The following PKD1L1 variants were observed in gnomAD, a reference collection of about 807,000 sequenced individuals.
PKD1L1 encodes polycystin 1 like 1, transient receptor potential channel interacting, also known as polycystin-1-like protein 1.
A neutral mutation model predicts 323.4 loss-of-function variants in PKD1L1; 236 were observed. The ratio of observed to expected loss-of-function variants is 0.73; its 90% CI spans 0.66 to 0.81. PKD1L1 has a LOEUF of 0.81. PKD1L1 is among the 40% of genes least tolerant of loss of function. The probability of loss-of-function intolerance (pLI) is 0.00; values close to 1 mark genes in which losing one functional copy is unlikely to be tolerated. For missense variants in PKD1L1, 3,320 were observed against 3,508.0 expected, an observed-to-expected ratio of 0.95 and a Z score of 1.35; for synonymous variants, 1,344 against 1,335.0, an observed-to-expected ratio of 1.01 and a Z score of -0.15.
chr7:47,833,033 T>C (rs1316856954), intron 41 of PKD1L1, 57 bp downstream of exon 41: 20 of 1,546,552 alleles, frequency 1.3e-5, no homozygotes, highest in Non-Finnish European at 1.7e-5. Context: ...CCTCTCCCAA[T>C]GGCTGCAGGT....
intron 1 of PKD1L1, among the ~76,000 whole-genome samples, chr7:47,947,377 G>C (rs548647564): frequency 1.3e-5 from 2 of 152,374 alleles, no homozygotes; most frequent in South Asian, 2.1e-4. Context: ...TTCAGGATGA[G>C]AAATCTGGGG....
At chr7:47,871,958 C>A (rs1297490072) in intron 24 of PKD1L1, among the ~76,000 whole-genome samples, 4 of 151,994 alleles carry the variant, frequency 2.6e-5, no homozygotes, top group Non-Finnish European at 5.9e-5. Flanking sequence ...TGGAAGGCAT[C>A]CAGATTAGAA....
At position 47,833,262 on chromosome 7, in the gene PKD1L1, C is replaced by G. The variant is rs371030908; in HGVS notation, c.6175-10G>C. The stretch of plus-strand genomic sequence containing the variant: ...TGGCTGATGCAGGTTGCTAGAATGA[C>G]AAGGTCATGCCAAGGTTAATATCTC... On this transcript the variant is annotated splice_polypyrimidine_tract_variant and intron_variant, in intron 40 of 56. Transcript: ENST00000289672. 8 of 1,610,368 alleles carry G rather than the reference C, an allele frequency of 5.0e-6. No individual in the cohort carries two copies. The Admixed American group carries it at 1.3e-4, about 27-fold the overall frequency.
chr7:47,803,372 G>A (rs758738763), intron 52 of PKD1L1, 28 bp from the exon 53 acceptor site: 24 of 1,611,812 alleles, frequency 1.5e-5, no homozygotes, highest in Non-Finnish European at 2.0e-5. Flanking sequence ...AACAGTCAGT[G>A]TGCCATGCCA....
Position 47,904,629 on chromosome 7 carries a change from G to A in PKD1L1, c.1692-12C>T. ...CCATCACACGATACCTGCAGGATGG[G>A]GAAAGGAGGGCAGGGAAGGCAGATG... On this transcript the variant is annotated splice_polypyrimidine_tract_variant and intron_variant, in intron 11 of 56. Transcript: ENST00000289672. 2 of 1,603,788 alleles carry A rather than the reference G, an allele frequency of 1.2e-6. No homozygotes were observed. Among genetic ancestry groups the A allele is most frequent in the Non-Finnish European group, 1.7e-6 (2 of 1,172,534 alleles).
intron 3 of PKD1L1, among the ~76,000 whole-genome samples, chr7:47,937,650 G>T (rs970470971): frequency 8.5e-5 from 13 of 152,140 alleles, no homozygotes; most frequent in Non-Finnish European, 1.8e-4. Context: ...AGGATGGCAG[G>T]TCTTGATTGT....
At chr7:47,891,275 C>CCT (rs1356846304) in intron 15 of PKD1L1, among the ~76,000 whole-genome samples, 2 of 152,168 alleles carry the variant, frequency 1.3e-5, no homozygotes, top group African/African-American at 4.8e-5. Context: ...AGGCATCTCT[C>CCT]CTCCCAGTCT....
chr7:47,802,494 C>A (rs1243764254), intron 53 of PKD1L1, among the ~76,000 whole-genome samples: 1 of 152,182 alleles, frequency 6.6e-6, no homozygotes, highest in Non-Finnish European at 1.5e-5. Flanking sequence ...GCTTGCAGAA[C>A]CCCTTCCCTG....
chr7:47,787,881 T>C (rs1048941410), intron 56 of PKD1L1, among the ~76,000 whole-genome samples: 2 of 152,064 alleles, frequency 1.3e-5, no homozygotes, highest in Non-Finnish European at 2.9e-5. Flanking sequence ...CTGGCTAATT[T>C]TGTATTTTTT....
intron 23 of PKD1L1, among the ~76,000 whole-genome samples, chr7:47,875,107 A>G (rs1786375899): frequency 6.6e-6 from 1 of 152,234 alleles, no homozygotes; most frequent in African/African-American, 2.4e-5. Flanking sequence ...ATAACCCCGT[A>G]CGCAGCTTGA....
intron 7 of PKD1L1, among the ~76,000 whole-genome samples, chr7:47,918,812 C>A (rs1287368158): frequency 6.6e-6 from 1 of 152,010 alleles, no homozygotes; most frequent in South Asian, 2.1e-4. Context: ...AAAAATTCTT[C>A]AAACTGAACC....
intron 12 of PKD1L1, among the ~76,000 whole-genome samples, chr7:47,903,995 G>T (rs1787145614): frequency 6.6e-6 from 1 of 152,106 alleles, no homozygotes; most frequent in Admixed American, 6.5e-5. Flanking sequence ...TATACGTCTT[G>T]CCAGTCACTC....
At chr7:47,789,272 TCTCTA>T (rs1415190133) in intron 56 of PKD1L1, among the ~76,000 whole-genome samples, 1 of 152,210 alleles carries the variant, frequency 6.6e-6, no homozygotes, top group Non-Finnish European at 1.5e-5. Context: ...CAGATTTCTG[TCTCTA>T]CTCAAGTCAG....
At chr7:47,940,086 A>G (rs1019518362) in intron 3 of PKD1L1, 107 bp downstream of exon 3, 14 of 1,443,178 alleles carry the variant, frequency 9.7e-6, no homozygotes, top group African/African-American at 1.4e-5. Context: ...ATGATAGGAA[A>G]ACAATCCCTG....
intron 31 of PKD1L1, 79 bp from the exon 32 acceptor site, chr7:47,847,150 T>G: frequency 8.7e-7 from 1 of 1,150,436 alleles, no homozygotes; most frequent in Non-Finnish European, 1.2e-6. Flanking sequence ...GCAGACAGAG[T>G]AGGCAGATAG....
intron 52 of PKD1L1, among the ~76,000 whole-genome samples, chr7:47,803,895 C>CT (rs1784719317): frequency 1.3e-5 from 2 of 152,180 alleles, no homozygotes; most frequent in Admixed American, 1.3e-4. Flanking sequence ...CATAGTACAA[C>CT]TGGGGGGCAT....
intron 41 of PKD1L1, among the ~76,000 whole-genome samples, chr7:47,832,244 T>C (rs557912629): frequency 6.6e-6 from 1 of 152,180 alleles, no homozygotes. Context: ...CGGTGGCTGG[T>C]CTGCCAGTGT....
chr7:47,895,831 TG>T (rs918006344), intron 14 of PKD1L1, among the ~76,000 whole-genome samples: 6 of 152,182 alleles, frequency 3.9e-5, no homozygotes, highest in Admixed American at 1.3e-4. Context: ...GCTTGAGGAA[TG>T]GGGGGTTAAT....
chr7:47,909,124 G>A (rs946853109), intron 8 of PKD1L1, among the ~76,000 whole-genome samples: 3 of 152,160 alleles, frequency 2.0e-5, no homozygotes, highest in African/African-American at 7.2e-5. Context: ...CACAGCAATA[G>A]ACTGTCAATA....
Sources: allele counts gnomAD v4.1 joint callset (sites outside exome capture counted in the v4.1 genomes callset), GRCh38; gene constraint gnomAD v4.1.1; transcripts MANE v1.5; gene names NCBI Gene and HGNC (gene_info 2026-07-23, HGNC 2026-07-21).